RIMKLB: variants seen among roughly 807,000 people sequenced by gnomAD.
The protein encoded by RIMKLB is beta-citrylglutamate synthase B.
Under a neutral mutation model 32.0 loss-of-function variants are expected in RIMKLB, and 7 were observed. The observed-to-expected ratio is 0.22, with a 90% CI of 0.12 to 0.41. RIMKLB has a LOEUF of 0.41. Ranked by LOEUF, RIMKLB falls within the 10% of genes least tolerant of loss-of-function variation. The pLI, the probability that RIMKLB is intolerant of heterozygous loss-of-function variation, is 1.00. For synonymous variants in RIMKLB, 172 were observed against 185.1 expected, an observed-to-expected ratio of 0.93 and a Z score of 0.57; for missense variants, 289 against 498.7, an observed-to-expected ratio of 0.58 and a Z score of 4.00.
At chr12:8,716,800 G>A (rs113505320) in intron 2 of RIMKLB, among the ~76,000 whole-genome samples, 6,945 of 140,992 alleles carry the variant, frequency 0.049, 232 homozygotes, top group Middle Eastern at 0.13. Flanking sequence ...ACAGTGGTGC[G>A]ATCTTAGCTC....
chr12:8,761,017 C>G (rs912282574), intron 5 of RIMKLB, among the ~76,000 whole-genome samples: 1 of 151,986 alleles, frequency 6.6e-6, no homozygotes, highest in East Asian at 1.9e-4. Flanking sequence ...CCTTTAATTT[C>G]TTGGTGTGAT....
chr12:8,719,066 C>T (rs1365592456), intron 2 of RIMKLB, among the ~76,000 whole-genome samples: 1 of 152,064 alleles, frequency 6.6e-6, no homozygotes, highest in African/African-American at 2.4e-5. Flanking sequence ...CTCCTCCTTC[C>T]CTCCCTCTCA....
intron 2 of RIMKLB, among the ~76,000 whole-genome samples, chr12:8,714,921 C>T (rs1351270807): frequency 6.6e-6 from 1 of 152,074 alleles, no homozygotes; most frequent in Admixed American, 6.6e-5. Context: ...ATTTAATTTC[C>T]TCATCAATGA....
intron 5 of RIMKLB, among the ~76,000 whole-genome samples, chr12:8,764,314 C>G (rs928104142): frequency 2.6e-5 from 4 of 152,228 alleles, no homozygotes; most frequent in Non-Finnish European, 5.9e-5. Context: ...ATTCCTTCCT[C>G]AAGTAGGGGA....
At position 8,750,319 on chromosome 12, in the gene RIMKLB, T is replaced by C. The variant is rs182287587; in HGVS notation, c.406+227T>C. Among the ~76,000 whole-genome samples the C allele has an allele frequency of 2.9e-3, 444 of 152,334 alleles. 4 individuals carry two copies. The highest frequency in any genetic ancestry group is 0.01 in the African/African-American group (417 of 41,574). The stretch of plus-strand genomic sequence containing the variant: ...AAGATTGTAAGTATTTTAGGTTTTA[T>C]AAGCCATTAAGTTCTCTGGTAACCC... On this transcript the variant is annotated intron_variant, in intron 3 of 5. Transcript: ENST00000535829.
At chr12:8,722,270 T>A (rs2137109981) in intron 2 of RIMKLB, among the ~76,000 whole-genome samples, 2 of 152,152 alleles carry the variant, frequency 1.3e-5, no homozygotes, top group Middle Eastern at 3.4e-3. Flanking sequence ...GAGTCCATGT[T>A]GTGTTAGCAG....
the RIMKLB span, among the ~76,000 whole-genome samples, chr12:8,674,225 T>C: frequency 7.5e-6 from 1 of 132,944 alleles, no homozygotes; most frequent in African/African-American, 4.2e-5. Flanking sequence ...CACAATTCTT[T>C]TTTTTTTTTT....
At chr12:8,740,145 G>T (rs1947368455) in intron 2 of RIMKLB, among the ~76,000 whole-genome samples, 1 of 151,686 alleles carries the variant, frequency 6.6e-6, no homozygotes, top group Non-Finnish European at 1.5e-5. Context: ...ACCTCAAGTG[G>T]TCTGCCTGCC....
chr12:8,700,080 C>T (rs1158936507), intron 1 of RIMKLB: 2 of 152,176 alleles, frequency 1.3e-5, no homozygotes, highest in East Asian at 3.9e-4. Flanking sequence ...CTAGGAGTAG[C>T]AGGGAGAGTG....
In RIMKLB at chr12:8,773,517, C is replaced by G. The variant is rs753810070; in HGVS notation, c.894C>G (p.Ile298Met). The part of the protein sequence containing the change: ...DKACNLDVAG[I>M]IADYAASLLP... The stretch of plus-strand genomic sequence containing the variant: ...CTTGTAATCTAGATGTAGCTGGTAT[C>G]ATAGCAGACTATGCCGCCTCCCTTC... Residue 298 changes from isoleucine (I) to methionine (M), a missense_variant, in exon 6 of 6, where the codon ATC becomes ATG. Around this residue, in one of 3 missense-constraint regions of RIMKLB, gnomAD observed 99 missense variants for 133.9 expected, o/e 0.74. Coordinates refer to ENST00000535829, the MANE Select transcript of RIMKLB (RefSeq NM_001297776.2). 1.9e-6 allele frequency: 3 copies of G among 1,614,254 alleles called. No homozygotes were observed. Among genetic ancestry groups the G allele is most frequent in the Non-Finnish European group, 2.5e-6 (3 of 1,180,042 alleles).
chr12:8,685,319 T>C (rs1178037844), intron 1 of RIMKLB, among the ~76,000 whole-genome samples: 1 of 152,180 alleles, frequency 6.6e-6, no homozygotes, highest in Non-Finnish European at 1.5e-5. Flanking sequence ...TTTCAGTCTT[T>C]GGAGAGTTTT....
At chr12:8,764,547 G>C (rs982139649) in intron 5 of RIMKLB, among the ~76,000 whole-genome samples, 4 of 152,154 alleles carry the variant, frequency 2.6e-5, no homozygotes, top group Non-Finnish European at 4.4e-5. Flanking sequence ...CCGTTGTCCG[G>C]GACAGGAGAG....
intron 2 of RIMKLB, among the ~76,000 whole-genome samples, chr12:8,743,585 G>T (rs1281570303): frequency 2.0e-5 from 3 of 151,622 alleles, no homozygotes; most frequent in Non-Finnish European, 4.4e-5. Flanking sequence ...AAAAACAGAA[G>T]TTTATGGTAG....
At chr12:8,704,375 C>T (rs1288932374) in intron 1 of RIMKLB, among the ~76,000 whole-genome samples, 1 of 149,152 alleles carries the variant, frequency 6.7e-6, no homozygotes, top group Non-Finnish European at 1.5e-5. Context: ...AGAGTGAGAC[C>T]CTGTCTCAAA....
intron 1 of RIMKLB, among the ~76,000 whole-genome samples, chr12:8,689,634 C>T (rs1182625100): frequency 6.6e-6 from 1 of 152,078 alleles, no homozygotes; most frequent in Non-Finnish European, 1.5e-5. Context: ...TGATTAAAGT[C>T]TCCTTCACTT....
intron 1 of RIMKLB, among the ~76,000 whole-genome samples, chr12:8,686,460 C>T (rs944327888): frequency 4.2e-5 from 6 of 143,268 alleles, no homozygotes; most frequent in African/African-American, 1.5e-4. Flanking sequence ...TTTTTCTTTT[C>T]TTTTTTTTTT....
intron 2 of RIMKLB, among the ~76,000 whole-genome samples, chr12:8,727,954 A>G (rs908451521): frequency 3.9e-5 from 6 of 151,962 alleles, no homozygotes; most frequent in South Asian, 2.1e-4. Context: ...ATATTTGTCT[A>G]TCTATACATG....
the RIMKLB span, among the ~76,000 whole-genome samples, chr12:8,670,431 G>T: frequency 1.3e-5 from 2 of 152,262 alleles, no homozygotes. Flanking sequence ...GGGTTACAGG[G>T]CCCATGCAAG....
At chr12:8,725,339 G>A (rs1413116373) in intron 2 of RIMKLB, among the ~76,000 whole-genome samples, 2 of 152,052 alleles carry the variant, frequency 1.3e-5, no homozygotes, top group African/African-American at 4.8e-5. Context: ...GTGCAGTGGT[G>A]CGATCTTGGC....
Sources: gnomAD v4.1 joint callset for allele counts (sites outside exome capture counted in the v4.1 genomes callset) on GRCh38, gnomAD v4.1.1 for gene constraint, gnomAD v4.1.1 regional missense constraint, MANE v1.5 for transcripts, NCBI Gene and HGNC (gene_info 2026-07-23, HGNC 2026-07-21) for gene names.